Variants in COL6A6 observed in about 807,000 individuals in gnomAD.
COL6A6 encodes the protein collagen type VI alpha 6 chain, also known as collagen alpha-6(VI) chain.
COL6A6 carries 183 observed loss-of-function variants against 208.6 expected under a neutral mutation model. The ratio of observed to expected loss-of-function variants is 0.88; its 90% CI spans 0.78 to 0.99. The LOEUF (loss-of-function observed/expected upper bound fraction) is 0.99, where lower values mean the gene tolerates loss of function less well. Among genes scored for constraint, COL6A6 ranks in the 50% least tolerant of loss-of-function variants. COL6A6 has a pLI of 0.00. For missense variants in COL6A6, 2,816 were observed against 2,815.2 expected, an observed-to-expected ratio of 1.00 and a Z score of -0.01; for synonymous variants, 973 against 1,011.8, an observed-to-expected ratio of 0.96 and a Z score of 0.73.
At position 130,565,466 on chromosome 3, in the gene COL6A6, A is replaced by G. The variant is rs757522568; in HGVS notation, c.1134A>G (p.Ile378Met). 35 of 1,613,874 alleles carry G rather than the reference A, an allele frequency of 2.2e-5. No individual in the cohort carries two copies. In the Admixed American group the frequency reaches 2.5e-4, roughly 12 times the overall value. Reference protein sequence around the residue: ...EGASDTQLEKIASHPAEQYVS... With the variant: ...EGASDTQLEKMASHPAEQYVS... Reference sequence around the variant, plus strand: ...CCAGCGACACCCAGTTGGAAAAGATAGCATCCCACCCTGCTGAGCAGTATG... The same window carrying G: ...CCAGCGACACCCAGTTGGAAAAGATGGCATCCCACCCTGCTGAGCAGTATG... Residue 378 changes from isoleucine to methionine, a missense_variant, in exon 4 of 37, where the codon ATA becomes ATG. Transcript: ENST00000358511.
intron 7 of COL6A6, among the ~76,000 whole-genome samples, chr3:130,573,740 T>A (rs1339828185): frequency 5.9e-5 from 9 of 151,870 alleles, no homozygotes; most frequent in South Asian, 2.1e-4. Flanking sequence ...CTAATTTTTT[T>A]AATTTTTTTT....
chr3:130,654,936 C>T (rs1462262349), intron 33 of COL6A6, among the ~76,000 whole-genome samples: 2 of 152,118 alleles, frequency 1.3e-5, no homozygotes, highest in Non-Finnish European at 2.9e-5. Flanking sequence ...AAATGGTCTT[C>T]ATACACTCTG....
chr3:130,602,974 A>G (rs576979563), intron 20 of COL6A6, among the ~76,000 whole-genome samples: 1 of 152,368 alleles, frequency 6.6e-6, no homozygotes, highest in East Asian at 1.9e-4. Context: ...AATGAATGTT[A>G]CAATGAGCAT....
intron 1 of COL6A6, among the ~76,000 whole-genome samples, chr3:130,539,460 C>A (rs2062304256): frequency 6.6e-6 from 1 of 152,064 alleles, no homozygotes; most frequent in Non-Finnish European, 1.5e-5. Context: ...ATAGGGAAAC[C>A]CCGTCTCTAC....
intron 20 of COL6A6, among the ~76,000 whole-genome samples, chr3:130,601,609 C>T (rs2064022100): frequency 6.6e-6 from 1 of 152,174 alleles, no homozygotes; most frequent in Admixed American, 6.5e-5. Context: ...GGGGCTAATG[C>T]AATATTGCTA....
intron 26 of COL6A6, among the ~76,000 whole-genome samples, chr3:130,634,212 A>T (rs1209795997): frequency 1.9e-5 from 1 of 53,480 alleles, no homozygotes; most frequent in African/African-American, 3.0e-4. Flanking sequence ...TAAAAAAAAA[A>T]ATAAATAAAT....
intron 26 of COL6A6, among the ~76,000 whole-genome samples, chr3:130,628,769 C>T (rs2064969336): frequency 1.5e-5 from 1 of 65,418 alleles, no homozygotes. Flanking sequence ...CGGTCTACAG[C>T]TCCCTGCGTG....
chr3:130,610,479 C>T (rs1245406194), intron 22 of COL6A6, among the ~76,000 whole-genome samples, 170 bp from the exon 23 acceptor site: 2 of 152,154 alleles, frequency 1.3e-5, no homozygotes, highest in Admixed American at 6.5e-5. Flanking sequence ...CATATTCCTG[C>T]ACAAATGAGA....
At chr3:130,598,550 A>G (rs1209433656) in intron 19 of COL6A6, 120 bp downstream of exon 19, 1 of 697,046 alleles carries the variant, frequency 1.4e-6, no homozygotes, top group Non-Finnish European at 2.5e-6. Flanking sequence ...TGGTACAGAA[A>G]AACCATTATT....
intron 13 of COL6A6, among the ~76,000 whole-genome samples, chr3:130,592,064 C>A (rs569962731): frequency 6.6e-6 from 1 of 152,164 alleles, no homozygotes; most frequent in East Asian, 1.9e-4. Context: ...AGTCTTGAAT[C>A]CCCTGCTGAA....
At chr3:130,614,234 A>G (rs1033999127) in intron 23 of COL6A6, among the ~76,000 whole-genome samples, 1 of 152,150 alleles carries the variant, frequency 6.6e-6, no homozygotes, top group Non-Finnish European at 1.5e-5. Context: ...ATTGAATTGT[A>G]TCAAAAGCCT....
Position 130,580,356 on chromosome 3 carries a change from C to T in COL6A6, c.3548-1205C>T, listed in dbSNP as rs1020018161. On this transcript the variant is annotated intron_variant, in intron 8 of 36. Transcript: ENST00000358511. ...TCAGTCTTCCAGATTTTTGATAACACTTTGATTTACCTTGAATCTCATGAT... is the reference window on the plus strand; with the variant it reads ...TCAGTCTTCCAGATTTTTGATAACATTTTGATTTACCTTGAATCTCATGAT... Among the ~76,000 whole-genome samples the T allele has an allele frequency of 3.9e-5, 6 of 152,184 alleles. No homozygotes were observed. In the South Asian group the frequency reaches 6.2e-4, roughly 16 times the overall value.
intron 20 of COL6A6, among the ~76,000 whole-genome samples, chr3:130,605,195 CTCT>C (rs1473560803): frequency 6.6e-6 from 1 of 152,238 alleles, no homozygotes; most frequent in Non-Finnish European, 1.5e-5. Context: ...TCTCAAAAAT[CTCT>C]TCTTCCAGGA....
At chr3:130,668,960 A>C (rs1195855802) in intron 36 of COL6A6, among the ~76,000 whole-genome samples, 1 of 152,234 alleles carries the variant, frequency 6.6e-6, no homozygotes, top group African/African-American at 2.4e-5. Flanking sequence ...ATGGAATATT[A>C]ACAACTGTTA....
intron 10 of COL6A6, among the ~76,000 whole-genome samples, chr3:130,586,000 G>A (rs548567189): frequency 1.3e-5 from 2 of 152,330 alleles, no homozygotes; most frequent in East Asian, 3.8e-4. Context: ...TGTTGCCCAG[G>A]CTGGGGTGCA....
intron 1 of COL6A6, among the ~76,000 whole-genome samples, chr3:130,547,818 G>C (rs531525692): frequency 6.6e-6 from 1 of 152,204 alleles, no homozygotes; most frequent in Admixed American, 6.5e-5. Context: ...TTATTTTTGA[G>C]AGGGAGTCTC....
At chr3:130,534,921 A>G (rs1376220701) in intron 1 of COL6A6, among the ~76,000 whole-genome samples, 2 of 150,530 alleles carry the variant, frequency 1.3e-5, no homozygotes, top group Admixed American at 6.6e-5. Flanking sequence ...TTTTCCTACT[A>G]TGTTATAGTA....
rs969628819 is a variant in COL6A6, at chr3:130,562,994, C to T, written c.65-74C>T. 2.8e-6 allele frequency: 3 copies of T among 1,075,654 alleles called. No individual in the cohort carries two copies. The African/African-American group carries it at 4.7e-5, about 17-fold the overall frequency. 66.6% of individuals were successfully genotyped at this position (1,075,654 alleles called of 1,614,324 possible). On this transcript the variant is annotated intron_variant, in intron 2 of 36. Transcript: ENST00000358511. ...AATAAAAAGGAAAGTACTTCCCCGC[C>T]ATAGAGTTGGCATTAAATATGGCAG...
At chr3:130,610,980 A>G (rs1203842571) in intron 23 of COL6A6, among the ~76,000 whole-genome samples, 1 of 151,994 alleles carries the variant, frequency 6.6e-6, no homozygotes, top group Non-Finnish European at 1.5e-5. Context: ...CCCTGATCTC[A>G]ATTCTCTTGG....
Sources: allele counts gnomAD v4.1 joint callset (sites outside exome capture counted in the v4.1 genomes callset), GRCh38; gene constraint gnomAD v4.1.1; transcripts MANE v1.5; gene names NCBI Gene and HGNC (gene_info 2026-07-23, HGNC 2026-07-21).